Variants in TEAD1 observed in about 807,000 individuals in gnomAD.
The protein encoded by TEAD1 is TEA domain transcription factor 1.
In TEAD1, 9 loss-of-function variants were observed where a neutral mutation model predicts 54.9. That is an observed-to-expected ratio of 0.16 (90% CI 0.10 to 0.29). TEAD1 has a LOEUF of 0.29. Among genes scored for constraint, TEAD1 ranks in the 10% least tolerant of loss-of-function variants. TEAD1 has a pLI of 1.00. For missense variants in TEAD1, 387 were observed against 535.9 expected, an observed-to-expected ratio of 0.72 and a Z score of 2.74; for synonymous variants, 200 against 187.8, an observed-to-expected ratio of 1.07 and a Z score of -0.53.
chr11:12,742,918 T>C (rs1944674819), intron 2 of TEAD1, among the ~76,000 whole-genome samples: 2 of 152,130 alleles, frequency 1.3e-5, no homozygotes, highest in South Asian at 4.1e-4. Flanking sequence ...GAATTTGGAG[T>C]ATATTCTTCT....
chr11:12,730,953 C>T (rs979126740), intron 2 of TEAD1, among the ~76,000 whole-genome samples: 3 of 151,998 alleles, frequency 2.0e-5, no homozygotes, highest in Admixed American at 1.3e-4. Flanking sequence ...CCGCCCGCCT[C>T]GGCCTCTCAA....
intron 9 of TEAD1, among the ~76,000 whole-genome samples, chr11:12,895,660 T>C (rs867885948): frequency 2.0e-5 from 3 of 152,356 alleles, no homozygotes; most frequent in Middle Eastern, 3.4e-3. Flanking sequence ...ATTGGTGGTT[T>C]ATTTAATAAA....
chr11:12,881,138 G>A, intron 7 of TEAD1, 87 bp downstream of exon 7: 1 of 1,446,172 alleles, frequency 6.9e-7, no homozygotes, highest in Non-Finnish European at 9.7e-7. Flanking sequence ...TAGTGTCTCA[G>A]GGCCTGGAGG....
At chr11:12,929,799 T>C (rs539161273) in intron 11 of TEAD1, among the ~76,000 whole-genome samples, 1 of 152,322 alleles carries the variant, frequency 6.6e-6, no homozygotes, top group East Asian at 1.9e-4. Context: ...TATGAGGCTT[T>C]ATCACAATAA....
chr11:12,914,826 G>A (rs576793583), intron 10 of TEAD1, among the ~76,000 whole-genome samples: 9 of 152,374 alleles, frequency 5.9e-5, no homozygotes, highest in East Asian at 3.9e-4. Context: ...CTGCCTGGCC[G>A]AGCCTTACCA....
intron 8 of TEAD1, among the ~76,000 whole-genome samples, chr11:12,882,274 C>T (rs1947988726): frequency 6.6e-6 from 1 of 152,184 alleles, no homozygotes; most frequent in Non-Finnish European, 1.5e-5. Context: ...CCAAATTAGG[C>T]AGTCTAAGTC....
At chr11:12,731,000 C>G (rs1477326492) in intron 2 of TEAD1, among the ~76,000 whole-genome samples, 1 of 152,140 alleles carries the variant, frequency 6.6e-6, no homozygotes, top group African/African-American at 2.4e-5. Flanking sequence ...CCATGCCCGG[C>G]CCCTTTCCTA....
At chr11:12,813,163 C>T (rs1946342167) in intron 3 of TEAD1, among the ~76,000 whole-genome samples, 1 of 152,114 alleles carries the variant, frequency 6.6e-6, no homozygotes, top group Admixed American at 6.5e-5. Flanking sequence ...GGAGGTGGAG[C>T]TGTAGAGGCA....
chr11:12,868,870 T>G (rs1195402100), intron 5 of TEAD1, among the ~76,000 whole-genome samples: 1 of 152,162 alleles, frequency 6.6e-6, no homozygotes, highest in African/African-American at 2.4e-5. Flanking sequence ...CCAGTAGATA[T>G]CCACAGCTAG....
At position 12,819,751 on chromosome 11, in the gene TEAD1, G is replaced by A. The variant is rs34921840; in HGVS notation, c.203-42499G>A. 2.1e-3 allele frequency among the ~76,000 whole-genome samples: 323 copies of A among 152,208 alleles called. 1 individual carries two copies. The highest frequency in any genetic ancestry group is 2.9e-3 in the Non-Finnish European group (196 of 68,000). ...CAGGCGTGAACCACCAAGCCCGGCC[G>A]GTAACAAAGTCTTAAAAGCGGTCTT... On this transcript the variant is annotated intron_variant, in intron 3 of 12. Transcript: ENST00000527636.
At chr11:12,901,145 GGGTTGAGAACCATT>G (rs772684808) in intron 9 of TEAD1, among the ~76,000 whole-genome samples, 1 of 152,206 alleles carries the variant, frequency 6.6e-6, no homozygotes, top group Non-Finnish European at 1.5e-5. Context: ...GATGTAGCCT[GGGTTGAGAACCATT>G]GGTTTGGACA....
At chr11:12,779,454 T>C (rs1354311361) in intron 3 of TEAD1, among the ~76,000 whole-genome samples, 3 of 152,214 alleles carry the variant, frequency 2.0e-5, no homozygotes, top group African/African-American at 7.2e-5. Flanking sequence ...ACTGGCTGTG[T>C]AACCATGACT....
At chr11:12,920,775 A>G (rs1948790894) in intron 10 of TEAD1, among the ~76,000 whole-genome samples, 1 of 152,268 alleles carries the variant, frequency 6.6e-6, no homozygotes. Flanking sequence ...GTTGAAAGAA[A>G]GAAAAATAAT....
chr11:12,887,950 C>G (rs1948124021), intron 9 of TEAD1, among the ~76,000 whole-genome samples: 2 of 152,160 alleles, frequency 1.3e-5, no homozygotes, highest in Admixed American at 1.3e-4. Context: ...CCCCCTACTT[C>G]TTTGTAACGG....
chr11:12,900,314 G>GGAA (rs1948404422), intron 9 of TEAD1, among the ~76,000 whole-genome samples: 2 of 151,902 alleles, frequency 1.3e-5, no homozygotes, highest in Non-Finnish European at 2.9e-5. Context: ...TCCCTCCTTG[G>GGAA]CCTTCCAAAG....
chr11:12,813,948 G>A (rs1946360939), intron 3 of TEAD1, among the ~76,000 whole-genome samples: 1 of 152,182 alleles, frequency 6.6e-6, no homozygotes, highest in African/African-American at 2.4e-5. Context: ...GTTGGGAGGT[G>A]CTGACCACAA....
intron 3 of TEAD1, among the ~76,000 whole-genome samples, chr11:12,795,661 A>C (rs1945901746): frequency 6.6e-6 from 1 of 152,196 alleles, no homozygotes; most frequent in Non-Finnish European, 1.5e-5. Flanking sequence ...CCATGGACCA[A>C]CTGGCAACAT....
At chr11:12,914,445 G>C (rs1948674100) in intron 10 of TEAD1, among the ~76,000 whole-genome samples, 1 of 152,092 alleles carries the variant, frequency 6.6e-6, no homozygotes, top group Admixed American at 6.5e-5. Context: ...TCTCATCATT[G>C]GGTTGGGCAG....
chr11:12,862,323 A>G lies in TEAD1; in HGVS notation c.267+9A>G, dbSNP rs188094715. 472 of 1,613,526 alleles carry G rather than the reference A, an allele frequency of 2.9e-4. No homozygotes were observed. Among genetic ancestry groups the G allele is most frequent in the Non-Finnish European group, 3.0e-4 (357 of 1,179,528 alleles). On this transcript the variant is annotated intron_variant, in intron 4 of 12. Transcript: ENST00000527636. The stretch of plus-strand genomic sequence containing the variant: ...CGAGGACCAGAAAACAGGTAAAATA[A>G]CCCACCTGGAAATTGTGCATGTCAG...
Sources: gnomAD v4.1 joint callset for allele counts (sites outside exome capture counted in the v4.1 genomes callset) on GRCh38, gnomAD v4.1.1 for gene constraint, MANE v1.5 for transcripts, NCBI Gene and HGNC (gene_info 2026-07-23, HGNC 2026-07-21) for gene names.